ALG8: variants seen among roughly 807,000 people sequenced by gnomAD.
ALG8 encodes the protein ALG8 alpha-1,3-glucosyltransferase.
A neutral mutation model predicts 70.2 loss-of-function variants in ALG8; 48 were observed. That is an observed-to-expected ratio of 0.68 (90% CI 0.54 to 0.87). The LOEUF (loss-of-function observed/expected upper bound fraction) is 0.87. Ranked by LOEUF, ALG8 falls within the 40% of genes least tolerant of loss-of-function variation. The probability of loss-of-function intolerance (pLI) is 0.00; values close to 1 mark genes in which losing one functional copy is unlikely to be tolerated. For missense variants in ALG8, 572 were observed against 608.7 expected (o/e 0.94, Z 0.64); for synonymous variants, 234 against 229.0 (o/e 1.02, Z -0.20).
At chr11:78,132,425 G>C (rs1565363555) in intron 1 of ALG8, among the ~76,000 whole-genome samples, 1 of 152,078 alleles carries the variant, frequency 6.6e-6, no homozygotes, top group Admixed American at 6.6e-5. Context: ...ATTTATATGG[G>C]AGCCAAAAAA....
chr11:78,109,792 A>G (rs1860199742), intron 8 of ALG8, among the ~76,000 whole-genome samples: 1 of 152,212 alleles, frequency 6.6e-6, no homozygotes, highest in Admixed American at 6.5e-5. Context: ...TTTGCATTGG[A>G]ACAGGGAATT....
chr11:78,103,609 CAA>C (rs1859894308), intron 12 of ALG8: 1 of 172,944 alleles, frequency 5.8e-6, no homozygotes, highest in African/African-American at 2.4e-5. Context: ...GCCTGGGCAA[CAA>C]GAGCAAAACT....
At chr11:78,101,894 T>G (rs767545129) in intron 12 of ALG8, among the ~76,000 whole-genome samples, 2 of 152,136 alleles carry the variant, frequency 1.3e-5, no homozygotes, top group Non-Finnish European at 2.9e-5. Flanking sequence ...CAGACTGGAG[T>G]GCAGTGGTGC....
chr11:78,105,679 GAAT>G (rs1244249378), intron 10 of ALG8, among the ~76,000 whole-genome samples: 5 of 150,178 alleles, frequency 3.3e-5, no homozygotes, highest in African/African-American at 4.9e-5. Context: ...AAAAAAAAGG[GAAT>G]AATACCCATT....
chr11:78,114,130 A>T, intron 6 of ALG8, 136 bp downstream of exon 6: 1 of 1,416,784 alleles, frequency 7.1e-7, no homozygotes, highest in Non-Finnish European at 9.8e-7. Context: ...GAAAAGCGAG[A>T]ATGGGTAAAG....
At position 78,124,028 on chromosome 11, in the gene ALG8, C is replaced by T; in HGVS notation, c.361G>A (p.Val121Ile). 2 of 1,614,078 alleles carry T rather than the reference C, an allele frequency of 1.2e-6. No individual in the cohort carries two copies. Among genetic ancestry groups the T allele is most frequent in the Non-Finnish European group, 1.7e-6 (2 of 1,180,028 alleles). The change falls in exon 3 of 13, where the codon GTC (valine) becomes ATC (isoleucine). Residue 121 changes from valine (V) to isoleucine (I), a missense_variant. Coordinates refer to ENST00000299626, the MANE Select transcript of ALG8 (RefSeq NM_024079.5). ...GACATGCTCCAGACTTACTCACGGA[C>T]AGCATACACAAAGAGTACATCCATA... Reference protein sequence around the residue: ...IFMDVLFVYAVRECCKCIDGK... With the variant: ...IFMDVLFVYAIRECCKCIDGK...
chr11:78,118,025 C>T (rs1264528158), intron 5 of ALG8, among the ~76,000 whole-genome samples: 28 of 141,752 alleles, frequency 2.0e-4, no homozygotes, highest in Non-Finnish European at 2.7e-4. Context: ...GAGCCAAGAT[C>T]GCGCCACTGC....
intron 4 of ALG8, among the ~76,000 whole-genome samples, chr11:78,120,045 T>A (rs922404542): frequency 6.6e-6 from 1 of 151,782 alleles, no homozygotes; most frequent in Non-Finnish European, 1.5e-5. Flanking sequence ...GACACTGCAG[T>A]GAGCTGAGAT....
At chr11:78,119,371 C>T in intron 4 of ALG8, 122 bp from the exon 5 acceptor site, 2 of 692,858 alleles carry the variant, frequency 2.9e-6, no homozygotes, top group South Asian at 3.2e-5. Context: ...AATACTACTA[C>T]TAATGTGGAC....
intron 6 of ALG8, 101 bp downstream of exon 6, chr11:78,114,164 AT>A (rs1339609413): frequency 6.7e-7 from 1 of 1,500,318 alleles, no homozygotes; most frequent in Non-Finnish European, 9.2e-7. Context: ...AGCAGCTGAG[AT>A]ATCTGCTGTG....
chr11:78,127,712 CTTT>C (rs1192507872), intron 1 of ALG8, among the ~76,000 whole-genome samples: 8 of 132,846 alleles, frequency 6.0e-5, no homozygotes, highest in African/African-American at 5.6e-5. Flanking sequence ...TTTTTCTTTT[CTTT>C]TTTTTTTTTT....
intron 5 of ALG8, 30 bp downstream of exon 5, chr11:78,119,152 G>GA (rs1479596132): frequency 1.4e-5 from 21 of 1,547,970 alleles, no homozygotes; most frequent in Non-Finnish European, 1.7e-5. Flanking sequence ...ATCTAAAAGG[G>GA]AAAAAATCTA....
At chr11:78,123,539 C>A (rs1860926086) in intron 3 of ALG8, among the ~76,000 whole-genome samples, 1 of 152,038 alleles carries the variant, frequency 6.6e-6, no homozygotes. Context: ...ATGGAAACAA[C>A]TAAAAGCACT....
rs1248946853 is a variant in ALG8 at position 78,120,919 on chromosome 11, A to T, written c.478+146T>A. 1.1e-5 allele frequency: 8 copies of T among 728,042 alleles called. No homozygotes were observed. In the Admixed American group the frequency reaches 1.9e-4, roughly 17 times the overall value. The allele number at this position is 728,042 out of a possible 1,614,324, so 45.1% of individuals were successfully genotyped here. ...CAGAGTCCAGTGAAGTTGGGCAGAGACCACAGTTAAGTGAGCCTACTAACC... is the reference window on the plus strand; with the variant it reads ...CAGAGTCCAGTGAAGTTGGGCAGAGTCCACAGTTAAGTGAGCCTACTAACC... On this transcript the variant is annotated intron_variant, in intron 4 of 12. Transcript: ENST00000299626.
At chr11:78,108,280 A>AAAAAAC (rs895083914) in intron 9 of ALG8, among the ~76,000 whole-genome samples, 6 of 152,176 alleles carry the variant, frequency 3.9e-5, no homozygotes, top group Non-Finnish European at 7.4e-5. Context: ...CTCCCGTCTC[A>AAAAAAC]AAAAACAAAA....
At chr11:78,116,898 T>C (rs377139693) in intron 5 of ALG8, among the ~76,000 whole-genome samples, 1 of 151,888 alleles carries the variant, frequency 6.6e-6, no homozygotes, top group African/African-American at 2.4e-5. Context: ...CAAAAAAGAG[T>C]GGGAATGCTT....
intron 1 of ALG8, among the ~76,000 whole-genome samples, chr11:78,135,871 A>AAAAG (rs1861525734): frequency 6.6e-6 from 1 of 151,274 alleles, no homozygotes; most frequent in Non-Finnish European, 1.5e-5. Flanking sequence ...TAAGAAAAAA[A>AAAAG]AAAAAGAAAA....
At chr11:78,123,315 G>GAAAAAAAAAA (rs1220218900) in intron 3 of ALG8, among the ~76,000 whole-genome samples, 4,264 of 82,542 alleles carry the variant, frequency 0.052, 19 homozygotes, top group Non-Finnish European at 0.064. Flanking sequence ...GGAAAAAAAA[G>GAAAAAAAAAA]AAAAAAAAAA....
intron 12 of ALG8, 94 bp from the exon 13 acceptor site, chr11:78,101,289 T>C: frequency 5.9e-6 from 6 of 1,024,038 alleles, no homozygotes; most frequent in Non-Finnish European, 8.9e-6. Context: ...TGCACTGTCT[T>C]GCTGTCAATT....
Sources: gnomAD v4.1 joint callset for allele counts (sites outside exome capture counted in the v4.1 genomes callset) on GRCh38, gnomAD v4.1.1 for gene constraint, MANE v1.5 for transcripts, NCBI Gene and HGNC (gene_info 2026-07-23, HGNC 2026-07-21) for gene names.